Variants in UNC5D observed in about 807,000 individuals in gnomAD.
UNC5D encodes unc-5 netrin receptor D.
A neutral mutation model predicts 105.4 loss-of-function variants in UNC5D; 39 were observed. That is an observed-to-expected ratio of 0.37 (90% confidence interval 0.29 to 0.48). The LOEUF is 0.48. UNC5D is among the 20% of genes least tolerant of loss of function. The pLI, the probability that UNC5D is intolerant of heterozygous loss-of-function variation, is 0.98. For synonymous variants in UNC5D, 452 were observed against 450.4 expected (o/e 1.00, Z -0.04); for missense variants, 991 against 1,202.4 (o/e 0.82, Z 2.60).
chr8:35,552,604 A>G (rs1816246705), intron 2 of UNC5D, among the ~76,000 whole-genome samples: 1 of 152,228 alleles, frequency 6.6e-6, no homozygotes, highest in Non-Finnish European at 1.5e-5. Context: ...ACAAAAGTTT[A>G]TAGCAAGCAA....
intron 1 of UNC5D, among the ~76,000 whole-genome samples, chr8:35,442,937 A>C (rs933622515): frequency 7.5e-6 from 1 of 133,592 alleles, no homozygotes; most frequent in African/African-American, 2.9e-5. Context: ...CACACACACA[A>C]CACACACACA....
At chr8:35,463,498 A>G (rs966911692) in intron 1 of UNC5D, among the ~76,000 whole-genome samples, 21 of 152,120 alleles carry the variant, frequency 1.4e-4, no homozygotes, top group African/African-American at 1.2e-4. Flanking sequence ...ACAGAAGTCA[A>G]TGATACCTGT....
intron 4 of UNC5D, among the ~76,000 whole-genome samples, chr8:35,618,237 A>G (rs984058221): frequency 1.3e-5 from 2 of 152,206 alleles, no homozygotes; most frequent in South Asian, 2.1e-4. Context: ...TTTTTTTTCA[A>G]CGCTGTTATC....
chr8:35,568,318 A>G, intron 3 of UNC5D, 77 bp downstream of exon 3: 2 of 1,520,318 alleles, frequency 1.3e-6, no homozygotes, highest in Non-Finnish European at 1.8e-6. Context: ...GGTTTTACAG[A>G]TGTCAGATGC....
At chr8:35,691,434 C>T (rs764231837) in intron 7 of UNC5D, among the ~76,000 whole-genome samples, 1 of 152,164 alleles carries the variant, frequency 6.6e-6, no homozygotes, top group African/African-American at 2.4e-5. Context: ...CTGCAGTGAG[C>T]TATGATTGCT....
chr8:35,672,963 T>G (rs1229842098), intron 4 of UNC5D, among the ~76,000 whole-genome samples: 3 of 152,208 alleles, frequency 2.0e-5, no homozygotes, highest in Non-Finnish European at 2.9e-5. Flanking sequence ...GTATTCAGGC[T>G]TCTGCAGAGG....
chr8:35,604,278 G>A (rs999614393), intron 4 of UNC5D, among the ~76,000 whole-genome samples: 1 of 152,140 alleles, frequency 6.6e-6, no homozygotes, highest in South Asian at 2.1e-4. Flanking sequence ...GTCTGTAAAG[G>A]ATTTTATTTC....
At chr8:35,382,023 CA>C (rs1280084172) in intron 1 of UNC5D, among the ~76,000 whole-genome samples, 1 of 152,222 alleles carries the variant, frequency 6.6e-6, no homozygotes, top group Admixed American at 6.5e-5. Context: ...AGCATTGCAG[CA>C]TTTTTAAAGA....
chr8:35,563,938 G>A (rs1377422102), intron 2 of UNC5D, among the ~76,000 whole-genome samples: 1 of 151,932 alleles, frequency 6.6e-6, no homozygotes, highest in Non-Finnish European at 1.5e-5. Flanking sequence ...ATGTTGAAGT[G>A]TCCTCACCTC....
intron 1 of UNC5D, among the ~76,000 whole-genome samples, chr8:35,336,312 G>C (rs1263803810): frequency 6.6e-6 from 1 of 152,122 alleles, no homozygotes; most frequent in East Asian, 1.9e-4. Flanking sequence ...CTACCACTAA[G>C]ACAATTGGCC....
intron 1 of UNC5D, among the ~76,000 whole-genome samples, chr8:35,500,853 T>A (rs903358801): frequency 2.0e-5 from 3 of 152,188 alleles, no homozygotes; most frequent in African/African-American, 7.2e-5. Context: ...CAAGGGAGAA[T>A]GACAAGTATG....
chr8:35,517,201 C>T lies in UNC5D; in HGVS notation c.104-32091C>T, dbSNP rs190836630. On this transcript the variant is annotated intron_variant, in intron 1 of 16. Transcript: ENST00000404895. ...ACATATACTGCCCCATTTTCAGACA[C>T]GTGCCTCTCTTTAACTTTTCTAAGA... 2.7e-4 allele frequency among the ~76,000 whole-genome samples: 41 copies of T among 152,246 alleles called. 1 individual carries two copies. The East Asian group carries it at 4.1e-3, about 15-fold the overall frequency.
chr8:35,334,480 T>A (rs1810867526), intron 1 of UNC5D, among the ~76,000 whole-genome samples: 1 of 152,114 alleles, frequency 6.6e-6, no homozygotes, highest in Non-Finnish European at 1.5e-5. Context: ...ACTTAGATTT[T>A]TTTTTTGGTA....
intron 1 of UNC5D, among the ~76,000 whole-genome samples, chr8:35,523,551 TG>T (rs1297237505): frequency 6.6e-6 from 1 of 151,642 alleles, no homozygotes; most frequent in African/African-American, 2.4e-5. Context: ...AAATTCCATT[TG>T]TATCCTCTGA....
At chr8:35,644,016 G>A (rs540867910) in intron 4 of UNC5D, among the ~76,000 whole-genome samples, 2 of 152,060 alleles carry the variant, frequency 1.3e-5, no homozygotes, top group Non-Finnish European at 2.9e-5. Flanking sequence ...TTGAGCCATC[G>A]GCTATGTTTC....
chr8:35,431,682 C>T (rs1806646768), intron 1 of UNC5D, among the ~76,000 whole-genome samples: 1 of 151,802 alleles, frequency 6.6e-6, no homozygotes, highest in African/African-American at 2.4e-5. Context: ...TTATATATAC[C>T]AACATATATT....
intron 1 of UNC5D, among the ~76,000 whole-genome samples, chr8:35,533,655 A>G (rs368221151): frequency 7.2e-5 from 11 of 152,022 alleles, no homozygotes; most frequent in South Asian, 2.1e-4. Context: ...CCTCGCTGCC[A>G]CCTTGCAGTT....
intron 1 of UNC5D, among the ~76,000 whole-genome samples, chr8:35,278,005 T>C (rs1012591851): frequency 1.1e-4 from 17 of 152,126 alleles, no homozygotes; most frequent in Admixed American, 2.6e-4. Context: ...CCAGACCTAT[T>C]TGTTGCCTGT....
intron 1 of UNC5D, among the ~76,000 whole-genome samples, chr8:35,322,963 T>G (rs2128887553): frequency 6.6e-6 from 1 of 152,284 alleles, no homozygotes; most frequent in African/African-American, 2.4e-5. Flanking sequence ...TGATAATATA[T>G]CTTACAGGCT....
Sources: gnomAD v4.1 joint callset for allele counts (sites outside exome capture counted in the v4.1 genomes callset) on GRCh38, gnomAD v4.1.1 for gene constraint, MANE v1.5 for transcripts, NCBI Gene and HGNC (gene_info 2026-07-23, HGNC 2026-07-21) for gene names.